UBTD2: variants seen among roughly 807,000 people sequenced by gnomAD.
UBTD2 encodes ubiquitin domain-containing protein 2.
A neutral mutation model predicts 19.8 loss-of-function variants in UBTD2; 9 were observed. The observed-to-expected ratio is 0.46, with a 90% CI of 0.27 to 0.79. UBTD2 has a LOEUF of 0.79. UBTD2 is among the 30% of genes least tolerant of loss of function. The pLI, the probability that UBTD2 is intolerant of heterozygous loss-of-function variation, is 0.14. For synonymous variants in UBTD2, 98 were observed against 103.9 expected, an observed-to-expected ratio of 0.94 and a Z score of 0.35; for missense variants, 250 against 300.4, an observed-to-expected ratio of 0.83 and a Z score of 1.24.
At chr5:172,226,400 A>G (rs1369025727) in intron 2 of UBTD2, among the ~76,000 whole-genome samples, 1 of 150,980 alleles carries the variant, frequency 6.6e-6, no homozygotes. Context: ...CTGTTTCCTC[A>G]AGAATTATAG....
intron 1 of UBTD2, among the ~76,000 whole-genome samples, chr5:172,282,519 G>A (rs1182468121): frequency 1.3e-5 from 2 of 152,098 alleles, no homozygotes; most frequent in Non-Finnish European, 2.9e-5. Context: ...GCAAGCAACT[G>A]GTCTAAATGT....
Position 172,283,515 on chromosome 5 carries a change from C to T in UBTD2, c.70+81G>A. The T allele has an allele frequency of 8.9e-7, 1 of 1,121,890 alleles. No individual in the cohort carries two copies. Among genetic ancestry groups the T allele is most frequent in the Non-Finnish European group, 1.1e-6 (1 of 882,804 alleles). The allele number at this position is 1,121,890 out of a possible 1,614,324, so 69.5% of individuals were successfully genotyped here. A position where few individuals can be genotyped will look rare whatever the true frequency, so the allele number is the denominator to read the frequency against. Reference sequence around the variant, plus strand: ...GACAAAGGGGCGCGGGGGCCCGGCGCGGCCCGCGGGGGTCGGGACAGGTGG... The same window carrying T: ...GACAAAGGGGCGCGGGGGCCCGGCGTGGCCCGCGGGGGTCGGGACAGGTGG... On this transcript the variant is annotated intron_variant, in intron 1 of 2. Transcript: ENST00000393792. The surrounding 1 kb of genome is among the most constrained non-coding windows in gnomAD (Gnocchi z 4.3).
intron 1 of UBTD2, among the ~76,000 whole-genome samples, chr5:172,235,890 C>A (rs1771998935): frequency 6.6e-6 from 1 of 152,138 alleles, no homozygotes. Context: ...ATAAATGACA[C>A]AGCGAGTGGG....
intron 1 of UBTD2, among the ~76,000 whole-genome samples, chr5:172,245,785 A>G (rs1307535959): frequency 1.3e-5 from 2 of 152,208 alleles, no homozygotes; most frequent in African/African-American, 4.8e-5. Flanking sequence ...TAAATGGTGC[A>G]TGTGCTGTGC....
intron 1 of UBTD2, among the ~76,000 whole-genome samples, chr5:172,272,290 C>T (rs1483633384): frequency 6.6e-6 from 1 of 152,194 alleles, no homozygotes; most frequent in Non-Finnish European, 1.5e-5. Context: ...TCTTGGCCAA[C>T]ACAAATGCAT....
intron 1 of UBTD2, among the ~76,000 whole-genome samples, chr5:172,280,821 TAC>T (rs1469954641): frequency 2.6e-5 from 4 of 152,186 alleles, no homozygotes; most frequent in Admixed American, 1.3e-4. Context: ...TTCCATATTC[TAC>T]AGTCTCTTAT....
intron 1 of UBTD2, among the ~76,000 whole-genome samples, chr5:172,263,315 A>T (rs769988258): frequency 1.3e-5 from 2 of 152,186 alleles, no homozygotes; most frequent in Non-Finnish European, 2.9e-5. Flanking sequence ...CACTAGGTGT[A>T]TTCAGGGTAC....
rs3836824 is a variant in UBTD2, at chr5:172,209,656, CT to C, written c.*2173del. On this transcript the variant is annotated 3_prime_UTR_variant, in exon 3 of 3. Transcript: ENST00000393792. The stretch of plus-strand genomic sequence containing the variant: ...GCAAAGACAAAGAGAAAAATTGAAC[CT>C]TTTTTTTTTTTTTAAAAAAAGCACA... 0.31 allele frequency: 45,626 copies of C among 145,898 alleles called. 6,999 individuals are homozygous for C. Among genetic ancestry groups the C allele is most frequent in the South Asian group, 0.42 (1,967 of 4,648 alleles). The allele number at this position is 145,898 out of a possible 1,614,324, so 9.0% of individuals were successfully genotyped here.
At chr5:172,275,810 C>T (rs796720479) in intron 1 of UBTD2, among the ~76,000 whole-genome samples, 8 of 152,288 alleles carry the variant, frequency 5.3e-5, no homozygotes, top group African/African-American at 1.9e-4. Flanking sequence ...ATACTGAATG[C>T]TAAACCAGGG....
chr5:172,215,400 A>T (rs577180129), intron 2 of UBTD2, among the ~76,000 whole-genome samples: 1 of 152,304 alleles, frequency 6.6e-6, no homozygotes, highest in South Asian at 2.1e-4. Context: ...CCTTCTAGCC[A>T]TCTTGTCCCA....
In UBTD2 at chr5:172,282,330, T is replaced by C. The variant is rs997461618; in HGVS notation, c.70+1266A>G. The stretch of plus-strand genomic sequence containing the variant: ...TAAAATACACTATAAAGTAGCATTT[T>C]CATGGACTTTTTCAAGACAACTTCC... On this transcript the variant is annotated intron_variant, in intron 1 of 2. Coordinates refer to ENST00000393792, the MANE Select transcript of UBTD2 (RefSeq NM_152277.3). Among the ~76,000 whole-genome samples the C allele has an allele frequency of 2.6e-5, 4 of 152,322 alleles. No homozygotes were observed. The South Asian group carries it at 8.3e-4, about 32-fold the overall frequency.
At chr5:172,255,782 TTAACTTTTAAGATAGA>T (rs2113081836) in intron 1 of UBTD2, among the ~76,000 whole-genome samples, 1 of 152,196 alleles carries the variant, frequency 6.6e-6, no homozygotes, top group South Asian at 2.1e-4. Context: ...GGCTGAATTC[TTAACTTTTAAGATAGA>T]TGGCAAGGGG....
chr5:172,236,175 G>T (rs949610621), intron 1 of UBTD2, among the ~76,000 whole-genome samples: 1 of 152,170 alleles, frequency 6.6e-6, no homozygotes, highest in African/African-American at 2.4e-5. Context: ...CACACCAAAA[G>T]ACTAGCTGTT....
chr5:172,212,071 C>T lies in UBTD2; in HGVS notation c.464G>A (p.Arg155His), dbSNP rs752260370. The T allele has an allele frequency of 6.2e-6, 10 of 1,614,046 alleles. No homozygotes were observed. Among genetic ancestry groups the T allele is most frequent in the Non-Finnish European group, 8.5e-6 (10 of 1,180,048 alleles). ...GTCTTTGCCTGTGGAAAGGCGCAAA[C>T]GAAGCTGACATTCATATCCAGAATT... ...PPNSGYECQL[R>H]LRLSTGKDLK... is the part of the protein sequence containing the mutation. Residue 155 changes from arginine to histidine, a missense_variant, in exon 3 of 3, where the codon CGT (arginine) becomes CAT (histidine). By Grantham distance (29) the Arg-to-His change is conservative. Transcript: ENST00000393792.
intron 1 of UBTD2, among the ~76,000 whole-genome samples, chr5:172,270,345 T>G (rs1456513235): frequency 7.0e-6 from 1 of 143,206 alleles, no homozygotes; most frequent in African/African-American, 2.6e-5. Context: ...ATTTAGAATT[T>G]TAGAATTTTT....
intron 1 of UBTD2, among the ~76,000 whole-genome samples, chr5:172,268,852 G>GA (rs903506921): frequency 2.0e-5 from 3 of 152,148 alleles, no homozygotes; most frequent in South Asian, 2.1e-4. Context: ...TGATTTTGGG[G>GA]AAAAAAACCC....
At chr5:172,265,429 G>C (rs576304217) in intron 1 of UBTD2, among the ~76,000 whole-genome samples, 1 of 152,262 alleles carries the variant, frequency 6.6e-6, no homozygotes, top group South Asian at 2.1e-4. Context: ...CCGCCCCCTG[G>C]GTTCACGCCA....
In UBTD2 at chr5:172,244,295, G is replaced by GTT. The variant is rs1191361417; in HGVS notation, c.71-9939_71-9938dup. 4.6e-4 allele frequency among the ~76,000 whole-genome samples: 58 copies of GTT among 126,064 alleles called. 1 individual carries two copies. Among genetic ancestry groups the GTT allele is most frequent in the African/African-American group, 9.7e-4 (32 of 33,134 alleles). 82.7% of individuals were successfully genotyped at this position (126,064 alleles called of 152,430 possible). ...CAAGACTGTTTCCCCTTTCCTCCCA[G>GTT]TTTTTTTTTTTTTTTTTTGAGACAG... On this transcript the variant is annotated intron_variant, in intron 1 of 2. Coordinates refer to ENST00000393792, the MANE Select transcript of UBTD2 (RefSeq NM_152277.3).
At chr5:172,277,067 CAAAAAAAAAAAAAAAAA>C (rs56277139) in intron 1 of UBTD2, among the ~76,000 whole-genome samples, 24 of 65,122 alleles carry the variant, frequency 3.7e-4, no homozygotes, top group South Asian at 1.2e-3. Context: ...GACTCTGTCT[CAAAAAAAAAAAAAAAAA>C]AAAAAAAAAA....
Sources: allele counts gnomAD v4.1 joint callset (sites outside exome capture counted in the v4.1 genomes callset), GRCh38; gene constraint gnomAD v4.1.1; non-coding constraint Gnocchi (gnomAD v3.1); transcripts MANE v1.5; gene names NCBI Gene and HGNC (gene_info 2026-07-23, HGNC 2026-07-21).